TGFBI: variants seen among roughly 807,000 people sequenced by gnomAD.
TGFBI encodes the protein transforming growth factor beta induced.
TGFBI carries 50 observed loss-of-function variants against 73.7 expected under a neutral mutation model. The ratio of observed to expected loss-of-function variants is 0.68; its 90% CI spans 0.54 to 0.86. The LOEUF is 0.86. TGFBI is among the 40% of genes least tolerant of loss of function. TGFBI has a pLI of 0.00. For missense variants in TGFBI, 839 were observed against 877.0 expected, an observed-to-expected ratio of 0.96 and a Z score of 0.55; for synonymous variants, 362 against 360.5, an observed-to-expected ratio of 1.00 and a Z score of -0.05.
In TGFBI at chr5:136,046,844, C is replaced by T. The variant is rs774305784; in HGVS notation, c.460-7C>T. 55 of 1,611,512 alleles carry T rather than the reference C, an allele frequency of 3.4e-5. No individual in the cohort carries two copies. The highest frequency in any genetic ancestry group is 4.6e-5 in the Non-Finnish European group (54 of 1,178,538). ...GCCCCTAACTGACACCCTGTCCTTC[C>T]TCCTAGGAAGTGCTGGACTCCCTGG... On this transcript the variant is annotated splice_polypyrimidine_tract_variant and splice_region_variant and intron_variant, in intron 4 of 16. Transcript: ENST00000442011.
chr5:136,055,070 C>G (rs1354122627), intron 10 of TGFBI: 2 of 610,782 alleles, frequency 3.3e-6, no homozygotes, highest in South Asian at 2.1e-5. Context: ...TGAGAATAAA[C>G]CACACAATTA....
chr5:136,063,379 G>A lies in TGFBI; in HGVS notation c.*153G>A, dbSNP rs1044587505. On this transcript the variant is annotated 3_prime_UTR_variant, in exon 17 of 17. Transcript: ENST00000442011. The stretch of plus-strand genomic sequence containing the variant: ...TGAGATGTGAGCCTTGTGCATGTGG[G>A]GGAGGAGGGAGAGAGATGTACTTTT... 4 of 684,952 alleles carry A rather than the reference G, an allele frequency of 5.8e-6. No individual in the cohort carries two copies. The highest frequency in any genetic ancestry group is 5.3e-5 in the African/African-American group (3 of 56,136). 42.4% of individuals were successfully genotyped at this position (684,952 alleles called of 1,614,324 possible). A position where few individuals can be genotyped will look rare whatever the true frequency, so the allele number is the denominator to read the frequency against.
chr5:136,038,516 A>G (rs951720300), intron 2 of TGFBI, among the ~76,000 whole-genome samples: 4 of 152,006 alleles, frequency 2.6e-5, no homozygotes, highest in Non-Finnish European at 5.9e-5. Context: ...GGAGTTGGAG[A>G]CCAGCCTGAC....
chr5:136,054,915 G>T (rs1340483508), intron 10 of TGFBI, 54 bp downstream of exon 10: 1 of 1,569,008 alleles, frequency 6.4e-7, no homozygotes, highest in Non-Finnish European at 8.6e-7. Flanking sequence ...TGTGGGACTT[G>T]TATTAGTGTA....
Position 136,047,296 on chromosome 5 carries a change from G to A in TGFBI, c.647G>A (p.Arg216Gln), listed in dbSNP as rs373585898. ...CAGATTGTAACTGTGAACTGTGCCC[G>A]GCTGCTGAAAGCCGACCACCATGCA... Reference protein sequence around the residue: ...PNGIVTVNCARLLKADHHATN... With the variant: ...PNGIVTVNCAQLLKADHHATN... Residue 216 changes from arginine (R) to glutamine (Q), a missense_variant, in exon 6 of 17, where the codon CGG becomes CAG. Arg to Gln is a conservative substitution (Grantham distance 43). Transcript: ENST00000442011. 1.7e-5 allele frequency: 28 copies of A among 1,613,648 alleles called. No individual in the cohort carries two copies. The Admixed American group carries it at 2.0e-4, about 12-fold the overall frequency.
At chr5:136,059,765 G>A (rs1751715127) in intron 13 of TGFBI, among the ~76,000 whole-genome samples, 1 of 152,198 alleles carries the variant, frequency 6.6e-6, no homozygotes, top group Non-Finnish European at 1.5e-5. Context: ...ACCCCTCTGT[G>A]GAGGGACCGC....
intron 2 of TGFBI, among the ~76,000 whole-genome samples, chr5:136,043,430 G>A (rs1405954579): frequency 6.6e-6 from 1 of 152,178 alleles, no homozygotes; most frequent in Non-Finnish European, 1.5e-5. Flanking sequence ...CTTCGTAAGA[G>A]GAGCTTTGTT....
intron 7 of TGFBI, among the ~76,000 whole-genome samples, chr5:136,051,871 G>A (rs542023008): frequency 1.3e-5 from 2 of 152,210 alleles, no homozygotes; most frequent in African/African-American, 4.8e-5. Context: ...TGGCCAGCAC[G>A]GGCTTCCAAG....
chr5:136,054,494 C>T (rs1438846357), intron 9 of TGFBI, among the ~76,000 whole-genome samples: 1 of 152,198 alleles, frequency 6.6e-6, no homozygotes, highest in Non-Finnish European at 1.5e-5. Flanking sequence ...GCCTGCCCTT[C>T]CCTCTTAGGG....
At chr5:136,054,607 T>G (rs532773710) in intron 9 of TGFBI, 109 bp from the exon 10 acceptor site, 1 of 1,458,800 alleles carries the variant, frequency 6.9e-7, no homozygotes, top group Admixed American at 1.7e-5. Flanking sequence ...TCTCAATCCC[T>G]GTTTCCAAAC....
intron 2 of TGFBI, among the ~76,000 whole-genome samples, chr5:136,035,145 C>T (rs988462297): frequency 2.0e-5 from 3 of 152,184 alleles, no homozygotes; most frequent in African/African-American, 7.2e-5. Flanking sequence ...AGGGCAGGTC[C>T]ATGGCAGCTT....
intron 6 of TGFBI, chr5:136,049,121 T>G: frequency 3.9e-6 from 1 of 258,982 alleles, no homozygotes; most frequent in Non-Finnish European, 7.4e-6. Context: ...AAATGATATT[T>G]TAGTGGAAGA....
Position 136,063,235 on chromosome 5 carries a change from A to C in TGFBI, c.*9A>C. The C allele has an allele frequency of 6.2e-7, 1 of 1,612,998 alleles. No homozygotes were observed. The highest frequency in any genetic ancestry group is 8.5e-7 in the Non-Finnish European group (1 of 1,179,114). ...AGAGGATGAAGCATTAGCTTGAAGC[A>C]CTACAGGAGGAATGCACCACGGCAG... On this transcript the variant is annotated 3_prime_UTR_variant, in exon 17 of 17. Transcript: ENST00000442011.
intron 2 of TGFBI, 124 bp downstream of exon 2, chr5:136,033,985 A>G: frequency 3.7e-6 from 3 of 810,684 alleles, no homozygotes; most frequent in Non-Finnish European, 6.3e-6. Flanking sequence ...ATGTGCGAAC[A>G]TGTCTGGGAC....
In TGFBI at chr5:136,061,643, A is replaced by G. The variant is rs759692271; in HGVS notation, c.1986+64A>G. 1.1e-5 allele frequency: 15 copies of G among 1,390,118 alleles called. No homozygotes were observed. The East Asian group carries it at 3.4e-4, about 32-fold the overall frequency. The allele number at this position is 1,390,118 out of a possible 1,614,324, so 86.1% of individuals were successfully genotyped here. A position where few individuals can be genotyped will look rare whatever the true frequency, so the allele number is the denominator to read the frequency against. On this transcript the variant is annotated intron_variant, in intron 15 of 16. Coordinates refer to ENST00000442011, the MANE Select transcript of TGFBI (RefSeq NM_000358.3). ...CTCAGGTCCTCTGTTTGGGCCATAG[A>G]GGAGCCTCTCCAGCCCCTGTCTTCC...
chr5:136,046,711 G>A, intron 4 of TGFBI, 140 bp from the exon 5 acceptor site: 1 of 1,275,408 alleles, frequency 7.8e-7, no homozygotes, highest in Non-Finnish European at 1.1e-6. Context: ...AAAGACTTGG[G>A]TGCTTCCTGA....
Position 136,063,428 on chromosome 5 carries a change from G to T in TGFBI, c.*202G>T. On this transcript the variant is annotated 3_prime_UTR_variant, in exon 17 of 17. Transcript: ENST00000442011. ...TTTAAATCATGTTCCCCCTAAACAT[G>T]GCTGTTAACCCACTGCATGCAGAAA... 1.7e-6 allele frequency: 1 copy of T among 572,946 alleles called. No homozygotes were observed. Among genetic ancestry groups the T allele is most frequent in the Non-Finnish European group, 3.1e-6 (1 of 320,732 alleles). The allele number at this position is 572,946 out of a possible 1,614,324, so 35.5% of individuals were successfully genotyped here. A position where few individuals can be genotyped will look rare whatever the true frequency, so the allele number is the denominator to read the frequency against.
At chr5:136,057,198 G>T (rs1046967988) in intron 12 of TGFBI, among the ~76,000 whole-genome samples, 18 of 152,196 alleles carry the variant, frequency 1.2e-4, no homozygotes, top group Admixed American at 1.0e-3. Flanking sequence ...GCAGGAGGGA[G>T]CCCACTGATG....
At position 136,053,952 on chromosome 5, in the gene TGFBI, T is replaced by C. The variant is rs1470739154; in HGVS notation, c.1136T>C (p.Leu379Pro). The C allele has an allele frequency of 6.2e-7, 1 of 1,613,828 alleles. No individual in the cohort carries two copies. Among genetic ancestry groups the C allele is most frequent in the East Asian group, 2.2e-5 (1 of 44,886 alleles). The change falls in exon 9 of 17, where the codon CTA (leucine) becomes CCA (proline). Residue 379 changes from leucine to proline, a missense_variant. Leu to Pro is a moderately conservative substitution (Grantham distance 98). Coordinates refer to ENST00000442011, the MANE Select transcript of TGFBI (RefSeq NM_000358.3). ...TTCTCCTTCCTTGTAGCCAAGACACTATTTGAATTGGCTGCAGAGTCTGAT... is the reference window on the plus strand; with the variant it reads ...TTCTCCTTCCTTGTAGCCAAGACACCATTTGAATTGGCTGCAGAGTCTGAT... ...ELLIPDSAKT[L>P]FELAAESDVS... is the part of the protein sequence containing the mutation.
Sources: gnomAD v4.1 joint callset for allele counts (sites outside exome capture counted in the v4.1 genomes callset) on GRCh38, gnomAD v4.1.1 for gene constraint, MANE v1.5 for transcripts, NCBI Gene and HGNC (gene_info 2026-07-23, HGNC 2026-07-21) for gene names.